SSUH2: variants seen among roughly 807,000 people sequenced by gnomAD.
SSUH2 encodes the protein ssu-2 homolog.
SSUH2 carries 47 observed loss-of-function variants against 55.3 expected under a neutral mutation model. The observed-to-expected ratio is 0.85, with a 90% CI of 0.67 to 1.08. SSUH2 has a LOEUF of 1.08. Among genes scored for constraint, SSUH2 ranks in the 50% least tolerant of loss-of-function variants. SSUH2 has a pLI of 0.00. For missense variants in SSUH2, 535 were observed against 490.7 expected (o/e 1.09, Z -0.85); for synonymous variants, 212 against 191.5 (o/e 1.11, Z -0.89).
At chr3:8,674,534 C>G (rs1488284855) in intron 3 of SSUH2, among the ~76,000 whole-genome samples, 1 of 152,118 alleles carries the variant, frequency 6.6e-6, no homozygotes, top group Non-Finnish European at 1.5e-5. Flanking sequence ...CCCCGGTCAC[C>G]CCCTTATCCA....
chr3:8,645,948 C>G (rs977930405), upstream of SSUH2, among the ~76,000 whole-genome samples: 3 of 152,174 alleles, frequency 2.0e-5, no homozygotes, highest in African/African-American at 7.2e-5. Context: ...TCAGTCCTCA[C>G]AAATCGATTT....
chr3:8,675,925 G>A (rs1705203093), intron 3 of SSUH2, among the ~76,000 whole-genome samples: 1 of 152,164 alleles, frequency 6.6e-6, no homozygotes, highest in African/African-American at 2.4e-5. Flanking sequence ...GGCCCTAGCT[G>A]AGGCCAGTGG....
chr3:8,671,670 T>A (rs1046307673), intron 4 of SSUH2, among the ~76,000 whole-genome samples: 7 of 152,270 alleles, frequency 4.6e-5, no homozygotes, highest in African/African-American at 1.7e-4. Context: ...TTACGAATAA[T>A]ATCGCAGGGT....
At chr3:8,634,636 AG>A (rs769401921) in intron 3 of SSUH2, 7 of 1,255,812 alleles carry the variant, frequency 5.6e-6, no homozygotes, top group East Asian at 5.6e-5. Context: ...CGGAGGAAGC[AG>A]GGTTCTTCCT....
intron 3 of SSUH2, chr3:8,634,392 C>A: frequency 7.0e-6 from 9 of 1,291,762 alleles, no homozygotes; most frequent in Non-Finnish European, 9.1e-6. Flanking sequence ...CATGCCACCC[C>A]CTTACTGAAG....
intron 7 of SSUH2, among the ~76,000 whole-genome samples, chr3:8,653,094 G>C (rs1702588228): frequency 6.6e-6 from 1 of 152,200 alleles, no homozygotes; most frequent in South Asian, 2.1e-4. Context: ...CACAAGAATG[G>C]ACACCTTTTT....
intron 1 of SSUH2, among the ~76,000 whole-genome samples, chr3:8,639,716 C>T (rs1700519927): frequency 6.6e-6 from 1 of 152,188 alleles, no homozygotes; most frequent in Non-Finnish European, 1.5e-5. Flanking sequence ...AATCAATGTC[C>T]TTTGTCCCTA....
At chr3:8,628,734 G>T (rs931488039) in intron 7 of SSUH2, among the ~76,000 whole-genome samples, 15 of 152,200 alleles carry the variant, frequency 9.9e-5, no homozygotes, top group African/African-American at 3.6e-4. Context: ...AGAAGCTGGG[G>T]GAGAGGAAGG....
intron 2 of SSUH2, among the ~76,000 whole-genome samples, chr3:8,679,304 G>GCA (rs1353521878): frequency 1.5e-5 from 1 of 68,300 alleles, no homozygotes; most frequent in African/African-American, 4.5e-5. Context: ...CACCCCCCAT[G>GCA]AGGCGGGGAC....
At chr3:8,677,813 C>A (rs1465247816) in intron 2 of SSUH2, among the ~76,000 whole-genome samples, 2 of 150,608 alleles carry the variant, frequency 1.3e-5, no homozygotes, top group Non-Finnish European at 2.9e-5. Flanking sequence ...TGACTGAGAG[C>A]CAGCCCCACA....
chr3:8,650,522 T>C (rs1404045142), intron 7 of SSUH2, among the ~76,000 whole-genome samples: 1 of 152,220 alleles, frequency 6.6e-6, no homozygotes, highest in East Asian at 1.9e-4. Context: ...AGATAAGCTT[T>C]GTTCCAACTG....
intron 2 of SSUH2, among the ~76,000 whole-genome samples, chr3:8,678,387 A>G (rs192489978): frequency 6.6e-6 from 1 of 152,188 alleles, no homozygotes; most frequent in East Asian, 1.9e-4. Flanking sequence ...CCCTTTCAGG[A>G]TATTAATAAC....
intron 1 of SSUH2, among the ~76,000 whole-genome samples, chr3:8,640,253 T>C (rs1183483191): frequency 6.6e-6 from 1 of 152,012 alleles, no homozygotes; most frequent in Non-Finnish European, 1.5e-5. Context: ...TTATCACAAA[T>C]AAAAACAACT....
chr3:8,633,934 G>A, intron 3 of SSUH2, 139 bp from the exon 4 acceptor site: 1 of 1,613,940 alleles, frequency 6.2e-7, no homozygotes, highest in Non-Finnish European at 8.5e-7. Flanking sequence ...AACTGGGGAG[G>A]GCATCTCCTG....
intron 5 of SSUH2, among the ~76,000 whole-genome samples, chr3:8,669,686 G>A (rs1376590655): frequency 6.6e-6 from 1 of 152,188 alleles, no homozygotes; most frequent in Admixed American, 6.5e-5. Context: ...TTTGAGCAGA[G>A]AAGAGCACAT....
intron 3 of SSUH2, chr3:8,634,139 G>T: frequency 1.5e-6 from 1 of 679,938 alleles, no homozygotes; most frequent in East Asian, 2.8e-5. Context: ...AGAGGATGTC[G>T]CACAGTTAAA....
chr3:8,649,192 G>C (rs1003000671), upstream of SSUH2, among the ~76,000 whole-genome samples: 2 of 152,172 alleles, frequency 1.3e-5, no homozygotes, highest in Admixed American at 6.5e-5. Context: ...CACACACAAA[G>C]GTCCTCCTCC....
chr3:8,642,861 T>C lies in SSUH2; in HGVS notation c.28+1870A>G, dbSNP rs186474091. The stretch of plus-strand genomic sequence containing the variant: ...TGGGGAAAAAAAAATCTACCTGGTT[T>C]CTGATTTCATTAACTTTTTCTAAAA... On this transcript the variant is annotated intron_variant, in intron 1 of 11. Transcript: ENST00000544814. 1.6e-4 allele frequency among the ~76,000 whole-genome samples: 24 copies of C among 152,300 alleles called. No homozygotes were observed. In the East Asian group the frequency reaches 4.6e-3, roughly 29 times the overall value.
intron 7 of SSUH2, 137 bp from the exon 8 acceptor site, chr3:8,627,920 C>T (rs932009111): frequency 8.5e-5 from 50 of 588,966 alleles, no homozygotes; most frequent in East Asian, 6.5e-5. Flanking sequence ...TAAAATGGTG[C>T]GGGGTGGAGA....
Sources: allele counts gnomAD v4.1 joint callset (sites outside exome capture counted in the v4.1 genomes callset), GRCh38; gene constraint gnomAD v4.1.1; transcripts MANE v1.5; gene names NCBI Gene and HGNC (gene_info 2026-07-23, HGNC 2026-07-21).